The following FRMD4B variants were observed in gnomAD, a reference collection of about 807,000 sequenced individuals.
The protein encoded by FRMD4B is FERM domain-containing protein 4B.
A neutral mutation model predicts 141.5 loss-of-function variants in FRMD4B; 74 were observed. That is an observed-to-expected ratio of 0.52 (90% CI 0.43 to 0.63). The LOEUF is 0.63. Among genes scored for constraint, FRMD4B ranks in the 30% least tolerant of loss-of-function variants. FRMD4B has a pLI of 0.00. For missense variants in FRMD4B, 1,366 were observed against 1,253.4 expected, an observed-to-expected ratio of 1.09 and a Z score of -1.36; for synonymous variants, 506 against 467.9, an observed-to-expected ratio of 1.08 and a Z score of -1.05.
At chr3:69,189,863 C>G (rs748590804) in intron 18 of FRMD4B, 33 bp downstream of exon 18, 2 of 1,345,558 alleles carry the variant, frequency 1.5e-6, no homozygotes, top group South Asian at 2.4e-5. Context: ...GAATATCTAA[C>G]ATTTTTAAAC....
At chr3:69,313,570 C>T (rs1409691101) in intron 1 of FRMD4B, 53 bp from the exon 2 acceptor site, 15 of 1,091,014 alleles carry the variant, frequency 1.4e-5, no homozygotes, top group Non-Finnish European at 1.8e-5. Flanking sequence ...GGCAAGCAAA[C>T]CTTTGGACTC....
At position 69,449,296 on chromosome 3, in the gene FRMD4B, C is replaced by T. The variant is rs2106883175; in HGVS notation, c.-128-16535G>A. Among the ~76,000 whole-genome samples, 3 of 152,294 alleles carry T rather than the reference C, an allele frequency of 2.0e-5. No individual in the cohort carries two copies. In the South Asian group the frequency reaches 6.2e-4, roughly 32 times the overall value. ...TGAACTGTATTTAAAATGTCAAGTCCTGCATGAAGACGTGCATGATGACAA... is the reference window on the plus strand; with the variant it reads ...TGAACTGTATTTAAAATGTCAAGTCTTGCATGAAGACGTGCATGATGACAA... On this transcript the variant is annotated intron_variant, in intron 1 of 5. Coordinates refer to the FRMD4B transcript ENST00000459638.
chr3:69,297,319 C>T (rs754627436), intron 4 of FRMD4B, among the ~76,000 whole-genome samples: 8 of 152,086 alleles, frequency 5.3e-5, no homozygotes, highest in Non-Finnish European at 1.0e-4. Flanking sequence ...CAGTCTGCCT[C>T]CGGGTTTCCT....
chr3:69,383,879 A>G (rs1244317786), intron 1 of FRMD4B, among the ~76,000 whole-genome samples: 4 of 152,348 alleles, frequency 2.6e-5, no homozygotes, highest in East Asian at 1.9e-4. Flanking sequence ...TCTTCGTGCT[A>G]GAAACATTCA....
chr3:69,437,906 T>C (rs1030070502), intron 1 of FRMD4B, among the ~76,000 whole-genome samples: 2 of 135,644 alleles, frequency 1.5e-5, no homozygotes, highest in African/African-American at 5.6e-5. Flanking sequence ...TATACTATTA[T>C]TGTATAATAT....
chr3:69,464,621 A>C (rs1044091891), intron 1 of FRMD4B, among the ~76,000 whole-genome samples: 7 of 152,218 alleles, frequency 4.6e-5, no homozygotes, highest in Admixed American at 1.3e-4. Context: ...GAGGAAAAAA[A>C]CTGACAGAAT....
chr3:69,416,475 C>A (rs1704863443), intron 2 of FRMD4B, among the ~76,000 whole-genome samples: 1 of 152,134 alleles, frequency 6.6e-6, no homozygotes. Context: ...TAGATTGCAA[C>A]CCACTGAATC....
At chr3:69,301,378 T>G (rs1449374807) in intron 4 of FRMD4B, among the ~76,000 whole-genome samples, 1 of 152,222 alleles carries the variant, frequency 6.6e-6, no homozygotes, top group East Asian at 1.9e-4. Flanking sequence ...CAGGCTGGAG[T>G]GCAGTGGTAC....
intron 1 of FRMD4B, among the ~76,000 whole-genome samples, chr3:69,350,717 C>G (rs1008980165): frequency 2.0e-5 from 3 of 151,834 alleles, no homozygotes; most frequent in African/African-American, 7.3e-5. Context: ...AGCAAACTAT[C>G]GCAAGGACAA....
chr3:69,425,620 T>A (rs1705064194), intron 2 of FRMD4B, among the ~76,000 whole-genome samples: 1 of 152,232 alleles, frequency 6.6e-6, no homozygotes, highest in South Asian at 2.1e-4. Context: ...TAAAAGGGCT[T>A]TAAAAGATTA....
intron 21 of FRMD4B, among the ~76,000 whole-genome samples, chr3:69,180,489 G>A (rs761863904): frequency 2.6e-5 from 4 of 151,860 alleles, no homozygotes; most frequent in South Asian, 2.1e-4. Flanking sequence ...CCTCAATGAC[G>A]TGAACACATT....
chr3:69,502,667 C>T (rs1706518074), intron 1 of FRMD4B, among the ~76,000 whole-genome samples: 2 of 152,034 alleles, frequency 1.3e-5, no homozygotes, highest in African/African-American at 2.4e-5. Flanking sequence ...GCAACAAAAG[C>T]CAAAATTGAC....
intron 1 of FRMD4B, among the ~76,000 whole-genome samples, chr3:69,443,797 C>A (rs974576035): frequency 6.6e-6 from 1 of 152,186 alleles, no homozygotes; most frequent in African/African-American, 2.4e-5. Flanking sequence ...AACTAAACTG[C>A]CTTTGTAAAA....
At chr3:69,527,349 G>T (rs1273063175) in intron 1 of FRMD4B, among the ~76,000 whole-genome samples, 2 of 152,064 alleles carry the variant, frequency 1.3e-5, no homozygotes, top group African/African-American at 4.8e-5. Flanking sequence ...GGGGTGGAGC[G>T]CAAACCTGCC....
intron 1 of FRMD4B, among the ~76,000 whole-genome samples, chr3:69,493,892 T>TA (rs1475259855): frequency 1.3e-5 from 2 of 152,152 alleles, no homozygotes; most frequent in Non-Finnish European, 2.9e-5. Context: ...CCCAAGCATA[T>TA]AGTAGTACAA....
chr3:69,188,901 G>GT (rs1163810330), intron 18 of FRMD4B, among the ~76,000 whole-genome samples: 1 of 151,754 alleles, frequency 6.6e-6, no homozygotes, highest in African/African-American at 2.4e-5. Flanking sequence ...CACTCTATTA[G>GT]TTGATAGTAA....
chr3:69,222,725 T>C (rs909565215), intron 8 of FRMD4B, among the ~76,000 whole-genome samples: 16 of 152,092 alleles, frequency 1.1e-4, no homozygotes, highest in African/African-American at 3.4e-4. Flanking sequence ...GAGCCGAGCT[T>C]GCGCCATTGC....
In FRMD4B at chr3:69,454,544, G is replaced by A. The variant is rs932895687; in HGVS notation, c.-128-21783C>T. 5.5e-4 allele frequency among the ~76,000 whole-genome samples: 83 copies of A among 152,216 alleles called. 1 individual carries two copies. The highest frequency in any genetic ancestry group is 6.0e-4 in the African/African-American group (25 of 41,536). ...CCTGCACTCCCAGCAGCTGGCCGGC[G>A]CCACCGGCCCCGGGCAGTGAGGGGC... On this transcript the variant is annotated intron_variant, in intron 1 of 5. Transcript: ENST00000459638.
At chr3:69,406,492 T>C (rs1704651922) in intron 2 of FRMD4B, among the ~76,000 whole-genome samples, 1 of 152,188 alleles carries the variant, frequency 6.6e-6, no homozygotes, top group African/African-American at 2.4e-5. Flanking sequence ...CCTTGCCACA[T>C]TTCCATTGTA....
Sources: gnomAD v4.1 joint callset for allele counts (sites outside exome capture counted in the v4.1 genomes callset) on GRCh38, gnomAD v4.1.1 for gene constraint, MANE v1.5 for transcripts, NCBI Gene and HGNC (gene_info 2026-07-23, HGNC 2026-07-21) for gene names.